Variants in SCN11A observed in about 807,000 individuals in gnomAD.
SCN11A encodes sodium channel protein type 11 subunit alpha.
Under a neutral mutation model 162.2 loss-of-function variants are expected in SCN11A, and 122 were observed. The observed-to-expected ratio is 0.75, with a 90% CI of 0.65 to 0.87. SCN11A has a LOEUF of 0.87. Among genes scored for constraint, SCN11A ranks in the 40% least tolerant of loss-of-function variants. The pLI is 0.00. For synonymous variants in SCN11A, 758 were observed against 751.5 expected (o/e 1.01, Z -0.14); for missense variants, 2,015 against 2,181.6 (o/e 0.92, Z 1.52).
At chr3:39,027,750 T>G (rs1230856530) in intron 2 of SCN11A, among the ~76,000 whole-genome samples, 1 of 152,200 alleles carries the variant, frequency 6.6e-6, no homozygotes, top group Admixed American at 6.5e-5. Flanking sequence ...AGTTCTTCCT[T>G]AGCTGGTGGC....
chr3:38,905,192 C>A lies in SCN11A; in HGVS notation c.1603G>T (p.Glu535Ter), dbSNP rs267599813. 6.2e-7 allele frequency: 1 copy of A among 1,613,882 alleles called. No homozygotes were observed. The highest frequency in any genetic ancestry group is 2.2e-5 in the East Asian group (1 of 44,868). Reference sequence around the variant, plus strand: ...CCTTGGATTGGGATGTGGAACTTACCCTTCATGGTGATGGTGAGGATGCTG... The same window carrying A: ...CCTTGGATTGGGATGTGGAACTTACACTTCATGGTGATGGTGAGGATGCTG... ...AVSILTITMK[E>*]QEKSQEPCLP... Residue 535 changes from glutamate to a stop codon, truncating the protein, a stop_gained and splice_region_variant, in exon 15 of 30, where the codon GAA (glutamate) becomes TAA (stop). Coordinates refer to ENST00000302328, the MANE Select transcript of SCN11A (RefSeq NM_001349253.2). LOFTEE classifies it high-confidence loss of function.
intron 9 of SCN11A, among the ~76,000 whole-genome samples, chr3:38,921,943 C>T (rs553658893): frequency 4.6e-5 from 7 of 152,284 alleles, no homozygotes; most frequent in African/African-American, 1.7e-4. Context: ...GGCAGGAGAG[C>T]CCTGATCTAT....
chr3:39,034,162 A>G (rs191430154), intron 1 of SCN11A, among the ~76,000 whole-genome samples: 78 of 152,264 alleles, frequency 5.1e-4, no homozygotes, highest in Non-Finnish European at 9.3e-4. Flanking sequence ...ACTCCATCTC[A>G]AAAACAAAAC....
intron 28 of SCN11A, among the ~76,000 whole-genome samples, chr3:38,852,125 A>G (rs565527700): frequency 6.6e-6 from 1 of 152,276 alleles, no homozygotes; most frequent in Admixed American, 6.5e-5. Flanking sequence ...TACTGATATG[A>G]ATTAAAACCA....
At chr3:38,995,816 T>C (rs184862914) in intron 2 of SCN11A, among the ~76,000 whole-genome samples, 2 of 133,212 alleles carry the variant, frequency 1.5e-5, no homozygotes, top group East Asian at 4.2e-4. Flanking sequence ...TATCTATCTA[T>C]CTGTCTATCT....
intron 2 of SCN11A, among the ~76,000 whole-genome samples, chr3:39,009,592 T>C (rs2031072081): frequency 6.8e-6 from 1 of 147,008 alleles, no homozygotes; most frequent in Non-Finnish European, 1.5e-5. Flanking sequence ...CCAGAGAAAA[T>C]AGAAAGTTGA....
chr3:38,992,378 G>T (rs532573101), intron 2 of SCN11A, among the ~76,000 whole-genome samples: 14 of 152,280 alleles, frequency 9.2e-5, no homozygotes, highest in Admixed American at 1.3e-4. Flanking sequence ...GTGCTTTTAT[G>T]CCTCGGAATA....
At position 39,030,623 on chromosome 3, in the gene SCN11A, A is replaced by G. The variant is rs552222438; in HGVS notation, c.-280+1757T>C. ...TTTATTTTTAATAATGCGACATCCA[A>G]TTTGACACATCAGTTTGTGGATTAA... On this transcript the variant is annotated intron_variant, in intron 2 of 29. Coordinates refer to ENST00000302328, the MANE Select transcript of SCN11A (RefSeq NM_001349253.2). Among the ~76,000 whole-genome samples, 308 of 152,276 alleles carry G rather than the reference A, an allele frequency of 2.0e-3. 2 individuals carry two copies. Among genetic ancestry groups the G allele is most frequent in the African/African-American group, 7.0e-3 (292 of 41,554 alleles).
In SCN11A at chr3:38,867,467, A is replaced by C. The variant is rs768469678; in HGVS notation, c.3814-9T>G. Reference sequence around the variant, plus strand: ...TCTGGCTGTTGTTCTTTCTGTTAGAAATTTTTTTAATAAGAGAAAAAAACA... The same window carrying C: ...TCTGGCTGTTGTTCTTTCTGTTAGACATTTTTTTAATAAGAGAAAAAAACA... On this transcript the variant is annotated splice_polypyrimidine_tract_variant and intron_variant, in intron 26 of 29. Transcript: ENST00000302328. 8 of 1,586,922 alleles carry C rather than the reference A, an allele frequency of 5.0e-6. No individual in the cohort carries two copies. Among genetic ancestry groups the C allele is most frequent in the Non-Finnish European group, 4.3e-6 (5 of 1,169,766 alleles).
chr3:38,930,141 C>T (rs894078165), intron 7 of SCN11A, among the ~76,000 whole-genome samples: 10 of 152,136 alleles, frequency 6.6e-5, no homozygotes, highest in Admixed American at 2.6e-4. Flanking sequence ...CAGAAACAAG[C>T]AATTCAGTTA....
Position 38,983,244 on chromosome 3 carries a change from T to C in SCN11A, c.-279-22821A>G, listed in dbSNP as rs559990859. The stretch of plus-strand genomic sequence containing the variant: ...ATTCCTCTTCACCCCTGAGCTTTGA[T>C]GTTTTTTGCTCCATGTCACCTTCAC... On this transcript the variant is annotated intron_variant, in intron 2 of 29. Transcript: ENST00000302328. Among the ~76,000 whole-genome samples, 3 of 152,352 alleles carry C rather than the reference T, an allele frequency of 2.0e-5. No individual in the cohort carries two copies. The South Asian group carries it at 6.2e-4, about 32-fold the overall frequency.
At chr3:38,904,322 T>C (rs1308716126) in intron 15 of SCN11A, among the ~76,000 whole-genome samples, 1 of 152,192 alleles carries the variant, frequency 6.6e-6, no homozygotes. Flanking sequence ...GTCAAGTCCA[T>C]CAAATATTTA....
At chr3:38,955,286 C>CA (rs956139212) in intron 3 of SCN11A, among the ~76,000 whole-genome samples, 2 of 151,312 alleles carry the variant, frequency 1.3e-5, no homozygotes, top group East Asian at 1.9e-4. Flanking sequence ...GACTCTGTCC[C>CA]AAAAAAAATG....
At chr3:38,958,839 ACC>A (rs2066713156) in intron 3 of SCN11A, among the ~76,000 whole-genome samples, 1 of 152,106 alleles carries the variant, frequency 6.6e-6, no homozygotes, top group Admixed American at 6.5e-5. Flanking sequence ...ATCTCATTTA[ACC>A]CTCAAAACAA....
intron 2 of SCN11A, among the ~76,000 whole-genome samples, chr3:38,965,435 GC>G (rs2125585092): frequency 6.6e-6 from 1 of 152,042 alleles, no homozygotes; most frequent in South Asian, 2.1e-4. Context: ...AGCCAGCTTC[GC>G]CCAGTGCAAG....
At chr3:39,024,798 TCC>T (rs1477439030) in intron 2 of SCN11A, among the ~76,000 whole-genome samples, 1 of 150,042 alleles carries the variant, frequency 6.7e-6, no homozygotes, top group East Asian at 1.9e-4. Flanking sequence ...TTGCTGGATA[TCC>T]CCAGTCTATT....
At chr3:38,867,246 G>T in intron 27 of SCN11A, 75 bp downstream of exon 27, 1 of 1,402,488 alleles carries the variant, frequency 7.1e-7, no homozygotes, top group Non-Finnish European at 1.0e-6. Flanking sequence ...AACATTCTAG[G>T]CCAGAATTAT....
At chr3:38,978,817 C>T (rs1168831458) in intron 2 of SCN11A, among the ~76,000 whole-genome samples, 5 of 152,174 alleles carry the variant, frequency 3.3e-5, no homozygotes, top group Admixed American at 6.5e-5. Flanking sequence ...TCGGCCCCTC[C>T]GCTCTCTGCC....
chr3:38,953,992 A>G (rs988963440), intron 3 of SCN11A, among the ~76,000 whole-genome samples: 5 of 152,198 alleles, frequency 3.3e-5, no homozygotes, highest in Admixed American at 6.5e-5. Flanking sequence ...GTTAGCCCCA[A>G]ACAAAGTAGT....
Sources: gnomAD v4.1 joint callset for allele counts (sites outside exome capture counted in the v4.1 genomes callset) on GRCh38, gnomAD v4.1.1 for gene constraint, MANE v1.5 for transcripts, NCBI Gene and HGNC (gene_info 2026-07-23, HGNC 2026-07-21) for gene names.